PCDHA3: variants seen among roughly 807,000 people sequenced by gnomAD.
PCDHA3 encodes protocadherin alpha-3.
PCDHA3 carries 41 observed loss-of-function variants against 62.2 expected under a neutral mutation model. The observed-to-expected ratio is 0.66, with a 90% CI of 0.51 to 0.86. The LOEUF is 0.86. PCDHA3 is among the 40% of genes least tolerant of loss of function. The pLI, the probability that PCDHA3 is intolerant of heterozygous loss-of-function variation, is 0.00. For synonymous variants in PCDHA3, 640 were observed against 555.4 expected, an observed-to-expected ratio of 1.15 and a Z score of -2.14; for missense variants, 1,304 against 1,241.2, an observed-to-expected ratio of 1.05 and a Z score of -0.76.
intron 1 of PCDHA3, among the ~76,000 whole-genome samples, chr5:140,955,186 G>A (rs246020): frequency 0.56 from 85,667 of 151,968 alleles, 24,773 homozygotes; most frequent in African/African-American, 0.69. Flanking sequence ...GTTTTGTGGT[G>A]TATATGAAGT....
intron 1 of PCDHA3, among the ~76,000 whole-genome samples, chr5:140,906,524 G>A (rs1401305370): frequency 2.0e-5 from 3 of 152,156 alleles, no homozygotes; most frequent in Non-Finnish European, 2.9e-5. Context: ...AAATACTCAC[G>A]ACAATTAAAA....
In PCDHA3 at chr5:141,010,527, G is replaced by T; in HGVS notation, c.*590G>T. On this transcript the variant is annotated 3_prime_UTR_variant, in exon 4 of 4. Transcript: ENST00000522353. ...AAATCTTACAACTCAAGAGGTGGCA[G>T]CCACCCTCTAGGAGACAAAACTACC... The T allele has an allele frequency of 2.3e-6, 1 of 431,062 alleles. No homozygotes were observed. Among genetic ancestry groups the T allele is most frequent in the African/African-American group, 2.0e-5 (1 of 49,970 alleles). 26.7% of individuals were successfully genotyped at this position (431,062 alleles called of 1,614,324 possible).
chr5:140,894,987 T>A lies in PCDHA3; in HGVS notation c.2395-83962T>A, dbSNP rs564159529. On this transcript the variant is annotated intron_variant, in intron 1 of 3. Transcript: ENST00000522353. ...TTTTTTAATGTCTTACTTTGTGACA[T>A]CCTTTACCCTTTTTACTTGGACCTT... 3.3e-5 allele frequency among the ~76,000 whole-genome samples: 5 copies of A among 152,318 alleles called. No individual in the cohort carries two copies. In the East Asian group the frequency reaches 9.6e-4, roughly 29 times the overall value.
At chr5:140,979,179 G>T in intron 2 of PCDHA3, 172 bp downstream of exon 2, 1 of 936,772 alleles carries the variant, frequency 1.1e-6, no homozygotes, top group Middle Eastern at 5.5e-4. Flanking sequence ...ATCGCAAATG[G>T]TCAGTGCCAG....
intron 1 of PCDHA3, chr5:140,876,605 A>G: frequency 1.2e-6 from 2 of 1,614,060 alleles, no homozygotes; most frequent in South Asian, 1.1e-5. Flanking sequence ...TCGGATCGTG[A>G]CTCTGGAGCC....
chr5:140,822,724 A>G (rs1767410932), intron 1 of PCDHA3: 1 of 1,612,750 alleles, frequency 6.2e-7, no homozygotes, highest in Non-Finnish European at 8.5e-7. Flanking sequence ...CTCATATGAA[A>G]TTAATATTGA....
rs2150350021 is a variant in PCDHA3 at position 140,843,009 on chromosome 5, C to G, written c.2394+39418C>G. The G allele has an allele frequency of 1.9e-6, 3 of 1,595,058 alleles. 1 individual carries two copies. Among genetic ancestry groups the G allele is most frequent in the Non-Finnish European group, 2.6e-6 (3 of 1,165,480 alleles). Reference sequence around the variant, plus strand: ...GTGCTGGACGAGAATGACAACGCGCCGGCACTGCTGGAGCCTCGGGTGGGT... The same window carrying G: ...GTGCTGGACGAGAATGACAACGCGCGGGCACTGCTGGAGCCTCGGGTGGGT... On this transcript the variant is annotated intron_variant, in intron 1 of 3. Coordinates refer to ENST00000522353, the MANE Select transcript of PCDHA3 (RefSeq NM_018906.3).
At chr5:140,917,370 C>T (rs571895312) in intron 1 of PCDHA3, among the ~76,000 whole-genome samples, 1 of 150,338 alleles carries the variant, frequency 6.7e-6, no homozygotes, top group Non-Finnish European at 1.5e-5. Context: ...CTATCTTGCT[C>T]CACCTCAATA....
In PCDHA3 at chr5:140,986,391, G is replaced by A. The variant is rs144915625; in HGVS notation, c.2542+3828G>A. Among the ~76,000 whole-genome samples, 1,153 of 152,256 alleles carry A rather than the reference G, an allele frequency of 7.6e-3. 6 individuals are homozygous for A. Among genetic ancestry groups the A allele is most frequent in the Middle Eastern group, 0.014 (4 of 294 alleles). ...GTTTTGGGGGGAGGGACATTAAAGG[G>A]CCAGTCGCTCATGTTACAGCTCTTT... On this transcript the variant is annotated intron_variant, in intron 3 of 3. Transcript: ENST00000522353.
Position 140,829,171 on chromosome 5 carries a change from T to A in PCDHA3, c.2394+25580T>A, listed in dbSNP as rs1455829828. 14 of 1,614,036 alleles carry A rather than the reference T, an allele frequency of 8.7e-6. No individual in the cohort carries two copies. In the African/African-American group the frequency reaches 1.9e-4, roughly 22 times the overall value. ...TGACTTCCTTATCCTTGCCTGTACGTGAAGACGCTCAATTTGGTACTGTCA... is the reference window on the plus strand; with the variant it reads ...TGACTTCCTTATCCTTGCCTGTACGAGAAGACGCTCAATTTGGTACTGTCA... On this transcript the variant is annotated intron_variant, in intron 1 of 3. Coordinates refer to ENST00000522353, the MANE Select transcript of PCDHA3 (RefSeq NM_018906.3).
chr5:140,874,167 T>C lies in PCDHA3; in HGVS notation c.2394+70576T>C, dbSNP rs910574514. On this transcript the variant is annotated intron_variant, in intron 1 of 3. Coordinates refer to ENST00000522353, the MANE Select transcript of PCDHA3 (RefSeq NM_018906.3). ...TGTAGAGCCATTCTTGGTTACTCTTTCCTGGTGTTGTAAAGGTGTCATATT... is the reference window on the plus strand; with the variant it reads ...TGTAGAGCCATTCTTGGTTACTCTTCCCTGGTGTTGTAAAGGTGTCATATT... 4.6e-5 allele frequency among the ~76,000 whole-genome samples: 7 copies of C among 152,340 alleles called. No homozygotes were observed. The East Asian group carries it at 1.2e-3, about 25-fold the overall frequency.
intron 1 of PCDHA3, chr5:140,807,964 A>G: frequency 1.2e-6 from 2 of 1,614,042 alleles, no homozygotes; most frequent in Non-Finnish European, 8.5e-7. Flanking sequence ...CTAATGGAAC[A>G]TTGGTAATTA....
At chr5:140,856,459 A>G (rs566691333) in intron 1 of PCDHA3, 2 of 1,598,380 alleles carry the variant, frequency 1.3e-6, no homozygotes, top group South Asian at 2.2e-5. Flanking sequence ...TAACAGAACA[A>G]AAGCTCTCAA....
intron 1 of PCDHA3, among the ~76,000 whole-genome samples, chr5:140,820,161 T>G (rs2150106041): frequency 6.6e-6 from 1 of 152,014 alleles, no homozygotes; most frequent in African/African-American, 2.4e-5. Context: ...GTATGAAAAC[T>G]ATTAGGCAAA....
chr5:140,830,614 TTG>T (rs1387881436), intron 1 of PCDHA3: 73 of 608,268 alleles, frequency 1.2e-4, no homozygotes, highest in East Asian at 2.1e-4. Context: ...TTTCATTTTA[TTG>T]TGTTTCTTAT....
Position 140,841,444 on chromosome 5 carries a change from C to A in PCDHA3, c.2394+37853C>A, listed in dbSNP as rs2150315677. 7.4e-6 allele frequency: 12 copies of A among 1,612,806 alleles called. No individual in the cohort carries two copies. In the South Asian group the frequency reaches 8.8e-5, roughly 12 times the overall value. On this transcript the variant is annotated intron_variant, in intron 1 of 3. Coordinates refer to ENST00000522353, the MANE Select transcript of PCDHA3 (RefSeq NM_018906.3). ...ACTCCGTCCCCGAGGAGGCCAAACA[C>A]GGCACCTTCGTGGGCCGGATCGCGC... is the stretch of plus-strand genomic sequence containing the variant.
At position 140,841,809 on chromosome 5, in the gene PCDHA3, G is replaced by A. The variant is rs2150323100; in HGVS notation, c.2394+38218G>A. The A allele has an allele frequency of 7.4e-6, 12 of 1,613,786 alleles. 1 individual carries two copies. In the African/African-American group the frequency reaches 1.3e-4, roughly 18 times the overall value. On this transcript the variant is annotated intron_variant, in intron 1 of 3. Coordinates refer to ENST00000522353, the MANE Select transcript of PCDHA3 (RefSeq NM_018906.3). ...GAGGGCGCGTCCGATGCAGATGTTG[G>A]AGCTAACTCCGTGTTAACCTACAGG...
chr5:140,805,135 T>C, intron 1 of PCDHA3: 2 of 1,575,436 alleles, frequency 1.3e-6, no homozygotes, highest in Non-Finnish European at 1.7e-6. Context: ...AAAGACATTT[T>C]GAAGACTTTG....
chr5:140,898,794 T>C (rs1487494121), intron 1 of PCDHA3, among the ~76,000 whole-genome samples: 4 of 152,236 alleles, frequency 2.6e-5, no homozygotes, highest in Non-Finnish European at 4.4e-5. Context: ...ATGGCCATTT[T>C]CACGATACTG....
Sources: gnomAD v4.1 joint callset for allele counts (sites outside exome capture counted in the v4.1 genomes callset) on GRCh38, gnomAD v4.1.1 for gene constraint, MANE v1.5 for transcripts, NCBI Gene and HGNC (gene_info 2026-07-23, HGNC 2026-07-21) for gene names.